Variants in NKAIN2 observed in about 807,000 individuals in gnomAD.
The protein encoded by NKAIN2 is sodium/potassium-transporting ATPase subunit beta-1-interacting protein 2.
In NKAIN2, 14 loss-of-function variants were observed where a neutral mutation model predicts 32.6. The observed-to-expected ratio is 0.43, with a 90% CI of 0.28 to 0.67. NKAIN2 has a LOEUF of 0.67. NKAIN2 is among the 30% of genes least tolerant of loss of function. NKAIN2 has a pLI of 0.17. For synonymous variants in NKAIN2, 80 were observed against 87.2 expected, an observed-to-expected ratio of 0.92 and a Z score of 0.46; for missense variants, 198 against 258.3, an observed-to-expected ratio of 0.77 and a Z score of 1.60.
At chr6:124,527,691 A>G (rs76976503) in intron 3 of NKAIN2, among the ~76,000 whole-genome samples, 1,538 of 152,302 alleles carry the variant, frequency 0.01, 26 homozygotes, top group African/African-American at 0.035. Flanking sequence ...ATAAAGCATG[A>G]TAAATGTTAG....
chr6:124,663,379 C>T (rs964333751), intron 4 of NKAIN2, among the ~76,000 whole-genome samples: 6 of 151,616 alleles, frequency 4.0e-5, no homozygotes, highest in East Asian at 2.0e-4. Flanking sequence ...TGCAGTGAGC[C>T]GAGATCATGC....
intron 1 of NKAIN2, among the ~76,000 whole-genome samples, chr6:124,043,154 T>C (rs933459574): frequency 2.0e-5 from 3 of 152,048 alleles, no homozygotes; most frequent in African/African-American, 7.2e-5. Context: ...GGTCAGGAGT[T>C]TGAGACCAGC....
intron 3 of NKAIN2, among the ~76,000 whole-genome samples, chr6:124,367,273 A>G (rs1213174661): frequency 6.6e-6 from 1 of 152,188 alleles, no homozygotes; most frequent in Admixed American, 6.6e-5. Context: ...TGTTGGAATC[A>G]TGTTTTATGC....
intron 3 of NKAIN2, among the ~76,000 whole-genome samples, chr6:124,561,764 C>A (rs975947233): frequency 6.6e-6 from 1 of 152,136 alleles, no homozygotes; most frequent in Non-Finnish European, 1.5e-5. Context: ...ATACTGTGTT[C>A]GGCTGAAATA....
intron 1 of NKAIN2, among the ~76,000 whole-genome samples, chr6:124,194,651 A>G (rs904415456): frequency 6.6e-6 from 1 of 152,046 alleles, no homozygotes; most frequent in African/African-American, 2.4e-5. Flanking sequence ...TAGATGGCTT[A>G]GGTATTTATT....
chr6:124,416,179 T>A (rs2114517689), intron 3 of NKAIN2, among the ~76,000 whole-genome samples: 1 of 152,310 alleles, frequency 6.6e-6, no homozygotes, highest in East Asian at 1.9e-4. Context: ...TCCCAAAGAA[T>A]TGCATGGCCA....
chr6:124,806,019 T>G (rs1275223227), intron 5 of NKAIN2, among the ~76,000 whole-genome samples: 1 of 152,052 alleles, frequency 6.6e-6, no homozygotes, highest in African/African-American at 2.4e-5. Flanking sequence ...CTGATTGGTG[T>G]ACCTGAAAGT....
intron 1 of NKAIN2, among the ~76,000 whole-genome samples, chr6:124,254,006 G>A (rs907386075): frequency 5.9e-5 from 9 of 151,736 alleles, no homozygotes; most frequent in African/African-American, 1.9e-4. Flanking sequence ...TAGTAGAGAC[G>A]GGGTTTCACA....
intron 1 of NKAIN2, among the ~76,000 whole-genome samples, chr6:124,084,924 A>G (rs1472196029): frequency 6.6e-6 from 1 of 152,054 alleles, no homozygotes; most frequent in Non-Finnish European, 1.5e-5. Flanking sequence ...TTCTGCTGAA[A>G]AGTAGTGCAC....
rs1302387162 is a variant in NKAIN2, at chr6:124,728,509, C to T, written c.475-62830C>T. 1.8e-3 allele frequency among the ~76,000 whole-genome samples: 193 copies of T among 104,424 alleles called. 1 individual carries two copies. The highest frequency in any genetic ancestry group is 6.5e-3 in the African/African-American group (173 of 26,604). The allele number at this position is 104,424 out of a possible 152,430, so 68.5% of individuals were successfully genotyped here. On this transcript the variant is annotated intron_variant, in intron 4 of 6. Coordinates refer to ENST00000368417, the MANE Select transcript of NKAIN2 (RefSeq NM_001040214.3). ...AAATAAAGATGTTCTTTGAAACCAA[C>T]GAGAACAAAGACACAACATACCAGA...
intron 1 of NKAIN2, among the ~76,000 whole-genome samples, chr6:123,861,795 T>G (rs17086210): frequency 0.033 from 5,034 of 152,266 alleles, 154 homozygotes; most frequent in African/African-American, 0.083. Flanking sequence ...CATAGTTATA[T>G]TTTACATTCT....
At chr6:124,783,610 A>G (rs1422386871) in intron 4 of NKAIN2, among the ~76,000 whole-genome samples, 1 of 152,194 alleles carries the variant, frequency 6.6e-6, no homozygotes, top group Non-Finnish European at 1.5e-5. Flanking sequence ...TGTGTTCCAC[A>G]ATAGTCCAGC....
intron 1 of NKAIN2, among the ~76,000 whole-genome samples, chr6:124,248,591 A>G (rs990340436): frequency 6.6e-6 from 1 of 152,026 alleles, no homozygotes; most frequent in Non-Finnish European, 1.5e-5. Flanking sequence ...GCTGTACTTT[A>G]TTATTAACCA....
At chr6:123,879,199 G>A (rs1376436625) in intron 1 of NKAIN2, among the ~76,000 whole-genome samples, 2 of 151,730 alleles carry the variant, frequency 1.3e-5, no homozygotes, top group Admixed American at 1.3e-4. Flanking sequence ...TCACAGCTAT[G>A]CCCTCAGTTC....
chr6:124,413,156 C>T (rs1240531778), intron 3 of NKAIN2, among the ~76,000 whole-genome samples: 1 of 152,200 alleles, frequency 6.6e-6, no homozygotes, highest in Non-Finnish European at 1.5e-5. Flanking sequence ...CTTCGGCTCA[C>T]ACACGGTGAG....
chr6:124,590,324 A>T (rs543459175), intron 3 of NKAIN2, among the ~76,000 whole-genome samples: 51 of 152,268 alleles, frequency 3.3e-4, no homozygotes, highest in African/African-American at 1.2e-3. Context: ...TGGATGAATG[A>T]TGTGTCAAGT....
At chr6:123,860,988 C>G (rs1048454573) in intron 1 of NKAIN2, among the ~76,000 whole-genome samples, 2 of 152,196 alleles carry the variant, frequency 1.3e-5, no homozygotes, top group South Asian at 2.1e-4. Flanking sequence ...CATTGCCACT[C>G]AGGTGTTCTT....
At chr6:123,894,217 T>C (rs1369020824) in intron 1 of NKAIN2, among the ~76,000 whole-genome samples, 4 of 152,200 alleles carry the variant, frequency 2.6e-5, no homozygotes, top group African/African-American at 9.7e-5. Flanking sequence ...GTCCTGTTCA[T>C]GGCTGGTGAC....
chr6:124,625,638 A>G (rs1435189174), intron 3 of NKAIN2, among the ~76,000 whole-genome samples: 2 of 152,152 alleles, frequency 1.3e-5, no homozygotes, highest in Non-Finnish European at 2.9e-5. Context: ...TACAATGTAA[A>G]AAGTTATTAT....
Sources: gnomAD v4.1 joint callset for allele counts (sites outside exome capture counted in the v4.1 genomes callset) on GRCh38, gnomAD v4.1.1 for gene constraint, MANE v1.5 for transcripts, NCBI Gene and HGNC (gene_info 2026-07-23, HGNC 2026-07-21) for gene names.